Variants in CNTLN observed in about 807,000 individuals in gnomAD.
The protein encoded by CNTLN is centlein, also known as centlein, centrosomal protein.
In CNTLN, 212 loss-of-function variants were observed where a neutral mutation model predicts 180.0. The ratio of observed to expected loss-of-function variants is 1.18; its 90% CI spans 1.05 to 1.32. CNTLN has a LOEUF of 1.32. Ranked by LOEUF, CNTLN falls within the 40% of genes most tolerant of loss-of-function variation. The pLI is 0.00. For missense variants in CNTLN, 2,095 were observed against 1,610.9 expected (o/e 1.30, Z -5.14); for synonymous variants, 722 against 563.1 (o/e 1.28, Z -3.99).
chr9:17,511,804 T>C, the CNTLN span, among the ~76,000 whole-genome samples: 6 of 152,020 alleles, frequency 3.9e-5, no homozygotes, highest in African/African-American at 1.2e-4. Flanking sequence ...GTGCTCTAGA[T>C]AAAGGGGAGG....
At chr9:17,511,648 T>TCTCA in the CNTLN span, among the ~76,000 whole-genome samples, 312 of 146,676 alleles carry the variant, frequency 2.1e-3, 6 homozygotes, top group East Asian at 5.2e-3. Flanking sequence ...TCTCTCTCTC[T>TCTCA]CACACACACA....
intron 2 of CNTLN, among the ~76,000 whole-genome samples, chr9:17,145,843 G>A (rs1235307148): frequency 6.6e-6 from 1 of 152,140 alleles, no homozygotes; most frequent in Non-Finnish European, 1.5e-5. Context: ...GGATGGACAG[G>A]TGGTACGTTT....
chr9:17,511,400 G>C, the CNTLN span, among the ~76,000 whole-genome samples: 1 of 152,148 alleles, frequency 6.6e-6, no homozygotes, highest in African/African-American at 2.4e-5. Context: ...CAGTGTCTGT[G>C]GATCAAGAAT....
chr9:17,174,554 G>C (rs1164566928), intron 2 of CNTLN, among the ~76,000 whole-genome samples: 2 of 152,120 alleles, frequency 1.3e-5, no homozygotes, highest in Admixed American at 1.3e-4. Context: ...AAATTAGCCG[G>C]ACGTGGTGGT....
chr9:17,273,684 A>G (rs565879338), intron 5 of CNTLN, 49 bp from the exon 6 acceptor site: 1 of 944,122 alleles, frequency 1.1e-6, no homozygotes, highest in Admixed American at 2.9e-5. Context: ...GTTTTGTTAC[A>G]TGTAGTATTT....
chr9:17,269,029 G>T (rs911588423), intron 5 of CNTLN, among the ~76,000 whole-genome samples: 1 of 152,006 alleles, frequency 6.6e-6, no homozygotes, highest in South Asian at 2.1e-4. Flanking sequence ...AGCGCACGGT[G>T]CGCTGCACCC....
At chr9:17,280,977 A>G (rs1308786978) in intron 6 of CNTLN, among the ~76,000 whole-genome samples, 1 of 152,166 alleles carries the variant, frequency 6.6e-6, no homozygotes, top group Non-Finnish European at 1.5e-5. Flanking sequence ...TTGAATCTCA[A>G]AAGATGCATA....
intron 23 of CNTLN, among the ~76,000 whole-genome samples, chr9:17,469,992 A>G (rs1004537473): frequency 6.6e-5 from 10 of 151,924 alleles, no homozygotes; most frequent in Non-Finnish European, 1.5e-4. Flanking sequence ...TGCTATCTCA[A>G]TATCAACTAT....
At chr9:17,211,405 A>G (rs1290321466) in intron 2 of CNTLN, among the ~76,000 whole-genome samples, 2 of 151,390 alleles carry the variant, frequency 1.3e-5, no homozygotes, top group Non-Finnish European at 2.9e-5. Context: ...GTTCCGTTCC[A>G]TTGGTGATAT....
chr9:17,295,999 T>A (rs7854872), intron 6 of CNTLN, among the ~76,000 whole-genome samples: 2,435 of 21,534 alleles, frequency 0.11, 15 homozygotes, highest in Admixed American at 0.13. Flanking sequence ...AGAGAGAGAG[T>A]GTGTGTGTGT....
intron 2 of CNTLN, among the ~76,000 whole-genome samples, chr9:17,201,342 G>A (rs1587119922): frequency 6.6e-6 from 1 of 152,178 alleles, no homozygotes; most frequent in South Asian, 2.1e-4. Flanking sequence ...GATGATGCTG[G>A]CCTCATAAAA....
intron 13 of CNTLN, among the ~76,000 whole-genome samples, chr9:17,380,442 T>A (rs1825148345): frequency 6.6e-6 from 1 of 152,132 alleles, no homozygotes; most frequent in Non-Finnish European, 1.5e-5. Flanking sequence ...CAGATACGTG[T>A]GTAACAGTGT....
At chr9:17,174,348 A>G (rs1053710006) in intron 2 of CNTLN, among the ~76,000 whole-genome samples, 6 of 152,244 alleles carry the variant, frequency 3.9e-5, no homozygotes, top group Admixed American at 1.3e-4. Context: ...TATCTGGGAT[A>G]AATGGCCAGG....
chr9:17,340,648 C>G (rs1299573743), intron 10 of CNTLN, among the ~76,000 whole-genome samples, 179 bp from the exon 11 acceptor site: 2 of 152,086 alleles, frequency 1.3e-5, no homozygotes, highest in East Asian at 3.9e-4. Flanking sequence ...ATTTATCAAG[C>G]AAATGTATTC....
At chr9:17,435,250 G>C (rs189513173) in intron 18 of CNTLN, among the ~76,000 whole-genome samples, 99 of 152,228 alleles carry the variant, frequency 6.5e-4, no homozygotes, top group African/African-American at 2.0e-3. Flanking sequence ...GTTTCTAAGA[G>C]ATATTTTTGG....
intron 15 of CNTLN, among the ~76,000 whole-genome samples, chr9:17,401,135 A>C (rs1288084504): frequency 6.6e-6 from 1 of 152,160 alleles, no homozygotes; most frequent in African/African-American, 2.4e-5. Flanking sequence ...TTTTATTCCT[A>C]GGTTACTGTA....
rs558171429 is a variant in CNTLN, at chr9:17,301,216, TG to T, written c.1146+2867del. The T allele has an allele frequency of 5.2e-5, 51 of 985,424 alleles. No homozygotes were observed. The East Asian group carries it at 5.3e-3, about 103-fold the overall frequency. 61.0% of individuals were successfully genotyped at this position (985,424 alleles called of 1,614,324 possible). Reference sequence around the variant, plus strand: ...TCCCTAGTGTATGTCTTTACTAAATTGGGAGAAGTAGAGCTTATATGCCCCT... The same window carrying T: ...TCCCTAGTGTATGTCTTTACTAAATTGGAGAAGTAGAGCTTATATGCCCCT... On this transcript the variant is annotated intron_variant, in intron 7 of 25. Transcript: ENST00000380647.
At position 17,366,755 on chromosome 9, in the gene CNTLN, T is replaced by A. The variant is rs199749504; in HGVS notation, c.1987+38T>A. 2,394 of 1,111,808 alleles carry A rather than the reference T, an allele frequency of 2.2e-3. 3 individuals are homozygous for A. Among genetic ancestry groups the A allele is most frequent in the Non-Finnish European group, 2.8e-3 (2,118 of 753,964 alleles). The allele number at this position is 1,111,808 out of a possible 1,614,324, so 68.9% of individuals were successfully genotyped here. A position where few individuals can be genotyped will look rare whatever the true frequency, so the allele number is the denominator to read the frequency against. On this transcript the variant is annotated intron_variant, in intron 13 of 25. Coordinates refer to ENST00000380647, the MANE Select transcript of CNTLN (RefSeq NM_017738.4). The stretch of plus-strand genomic sequence containing the variant: ...AAAATAAATACTTAACAGAGGAATT[T>A]TAAAATTGTGTAATTCTTGATGTTT...
chr9:17,168,607 A>G (rs1055398369), intron 2 of CNTLN: 1 of 152,216 alleles, frequency 6.6e-6, no homozygotes, highest in South Asian at 2.1e-4. Context: ...TGACAGTTGC[A>G]TATAAGTTAG....
Sources: gnomAD v4.1 joint callset for allele counts (sites outside exome capture counted in the v4.1 genomes callset) on GRCh38, gnomAD v4.1.1 for gene constraint, MANE v1.5 for transcripts, NCBI Gene and HGNC (gene_info 2026-07-23, HGNC 2026-07-21) for gene names.